Variants in DAPP1 observed in about 807,000 individuals in gnomAD.
The protein encoded by DAPP1 is dual adaptor of phosphotyrosine and 3-phosphoinositides 1.
In DAPP1, 20 loss-of-function variants were observed where a neutral mutation model predicts 41.5. The observed-to-expected ratio is 0.48, with a 90% CI of 0.34 to 0.70. DAPP1 has a LOEUF of 0.70. Among genes scored for constraint, DAPP1 ranks in the 30% least tolerant of loss-of-function variants. The pLI is 0.01. For synonymous variants in DAPP1, 113 were observed against 116.2 expected (o/e 0.97, Z 0.18); for missense variants, 233 against 333.4 (o/e 0.70, Z 2.35).
intron 6 of DAPP1, among the ~76,000 whole-genome samples, chr4:99,863,324 A>G (rs771309611): frequency 2.0e-5 from 3 of 152,170 alleles, no homozygotes; most frequent in African/African-American, 4.8e-5. Flanking sequence ...TGTTTAGGAC[A>G]ATGTAATTAT....
At chr4:99,859,540 C>T (rs746220927) in intron 4 of DAPP1, among the ~76,000 whole-genome samples, 1 of 152,172 alleles carries the variant, frequency 6.6e-6, no homozygotes, top group Non-Finnish European at 1.5e-5. Flanking sequence ...GCTTCCAATA[C>T]CACAAAGTTC....
At chr4:99,823,918 A>G (rs1029893636) in intron 1 of DAPP1, among the ~76,000 whole-genome samples, 5 of 152,196 alleles carry the variant, frequency 3.3e-5, no homozygotes, top group Admixed American at 3.3e-4. Flanking sequence ...TCCAAACAAA[A>G]CTAGTTCTGC....
At chr4:99,827,542 AC>A (rs201584787) in intron 1 of DAPP1, among the ~76,000 whole-genome samples, 1,360 of 122,058 alleles carry the variant, frequency 0.011, 88 homozygotes, top group African/African-American at 0.047. Context: ...CAAAAAAAAA[AC>A]AACAAAAAAA....
At chr4:99,824,086 T>C (rs1722860791) in intron 1 of DAPP1, among the ~76,000 whole-genome samples, 1 of 152,206 alleles carries the variant, frequency 6.6e-6, no homozygotes, top group Non-Finnish European at 1.5e-5. Flanking sequence ...ACAAGTTGAT[T>C]GCATGTTTGG....
chr4:99,862,429 G>C (rs1463829919), intron 5 of DAPP1, among the ~76,000 whole-genome samples: 2 of 152,114 alleles, frequency 1.3e-5, no homozygotes, highest in Admixed American at 6.6e-5. Context: ...TGATACCTTG[G>C]AGTTCTTAGG....
chr4:99,849,929 C>T (rs1723796445), intron 3 of DAPP1, among the ~76,000 whole-genome samples: 1 of 152,198 alleles, frequency 6.6e-6, no homozygotes, highest in African/African-American at 2.4e-5. Context: ...CAAGTCAAGA[C>T]ATGAGGGCAC....
intron 1 of DAPP1, among the ~76,000 whole-genome samples, chr4:99,822,296 T>G (rs1722798813): frequency 6.6e-6 from 1 of 152,160 alleles, no homozygotes; most frequent in Non-Finnish European, 1.5e-5. Context: ...TGTTGTATGA[T>G]GACGCCAGGC....
At chr4:99,861,722 A>C in intron 5 of DAPP1, 97 bp downstream of exon 5, 1 of 1,356,644 alleles carries the variant, frequency 7.4e-7, no homozygotes, top group Non-Finnish European at 1.0e-6. Flanking sequence ...TGGAAGCATA[A>C]TTGCCTGCTC....
At chr4:99,866,752 ATTTC>A in intron 8 of DAPP1, 1 of 473,550 alleles carries the variant, frequency 2.1e-6, no homozygotes, top group Non-Finnish European at 3.7e-6. Flanking sequence ...AACTTTGATG[ATTTC>A]TTTTTTTCTA....
At chr4:99,827,078 T>C (rs1221383430) in intron 1 of DAPP1, among the ~76,000 whole-genome samples, 2 of 151,944 alleles carry the variant, frequency 1.3e-5, no homozygotes, top group Non-Finnish European at 2.9e-5. Flanking sequence ...GGCCCAAGAG[T>C]CCTTCCCATA....
At chr4:99,826,233 A>G (rs1560687865) in intron 1 of DAPP1, among the ~76,000 whole-genome samples, 4 of 152,218 alleles carry the variant, frequency 2.6e-5, no homozygotes, top group Non-Finnish European at 5.9e-5. Flanking sequence ...GGTGTGGCAC[A>G]TATGTTATGC....
chr4:99,841,448 G>A (rs961989931), intron 3 of DAPP1, among the ~76,000 whole-genome samples: 2 of 152,158 alleles, frequency 1.3e-5, no homozygotes, highest in African/African-American at 2.4e-5. Flanking sequence ...CCCAAACTAC[G>A]AAATGAAGTT....
At chr4:99,826,124 G>T (rs1722928233) in intron 1 of DAPP1, among the ~76,000 whole-genome samples, 1 of 152,222 alleles carries the variant, frequency 6.6e-6, no homozygotes, top group Non-Finnish European at 1.5e-5. Flanking sequence ...ATTCATCTTT[G>T]TTCTATCACT....
chr4:99,862,985 TTGTG>T, intron 5 of DAPP1, 21 bp from the exon 6 acceptor site: 6 of 1,491,210 alleles, frequency 4.0e-6, no homozygotes, highest in South Asian at 3.8e-5. Context: ...GTCTGTGTGT[TTGTG>T]TGTGTGTGTG....
At chr4:99,853,165 G>A in intron 3 of DAPP1, 53 bp from the exon 4 acceptor site, 3 of 1,599,290 alleles carry the variant, frequency 1.9e-6, no homozygotes, top group South Asian at 2.2e-5. Flanking sequence ...GTTAGCATTT[G>A]GACCTTCCTT....
At chr4:99,832,117 T>C (rs1723147258) in intron 1 of DAPP1, among the ~76,000 whole-genome samples, 4 of 152,238 alleles carry the variant, frequency 2.6e-5, no homozygotes, top group Admixed American at 2.6e-4. Context: ...TGTCTTATTC[T>C]CCTGACTAGA....
chr4:99,823,080 GAA>G (rs1722825736), intron 1 of DAPP1, among the ~76,000 whole-genome samples: 1 of 152,150 alleles, frequency 6.6e-6, no homozygotes, highest in African/African-American at 2.4e-5. Context: ...TTATGTAAAA[GAA>G]TGTCACTTTT....
intron 4 of DAPP1, among the ~76,000 whole-genome samples, chr4:99,860,028 A>G (rs1289877832): frequency 6.6e-6 from 1 of 152,242 alleles, no homozygotes; most frequent in African/African-American, 2.4e-5. Flanking sequence ...GCAGGCAAGT[A>G]GGTAGTAGGA....
intron 3 of DAPP1, among the ~76,000 whole-genome samples, chr4:99,852,101 AT>A (rs1272020508): frequency 6.6e-6 from 1 of 152,048 alleles, no homozygotes; most frequent in Admixed American, 6.5e-5. Context: ...CACATAAAAT[AT>A]TTTTTAAATT....
Sources: gnomAD v4.1 joint callset for allele counts (sites outside exome capture counted in the v4.1 genomes callset) on GRCh38, gnomAD v4.1.1 for gene constraint, MANE v1.5 for transcripts, NCBI Gene and HGNC (gene_info 2026-07-23, HGNC 2026-07-21) for gene names.